Variants in KLRG1 observed in about 807,000 individuals in gnomAD.
KLRG1 encodes the protein killer cell lectin like receptor G1.
Under a neutral mutation model 21.8 loss-of-function variants are expected in KLRG1, and 16 were observed. The observed-to-expected ratio is 0.73, with a 90% confidence interval of 0.50 to 1.11. The LOEUF is 1.11. Among genes scored for constraint, KLRG1 ranks in the 50% most tolerant of loss-of-function variants. The pLI, the probability that KLRG1 is intolerant of heterozygous loss-of-function variation, is 0.00. For missense variants in KLRG1, 173 were observed against 218.3 expected (o/e 0.79, Z 1.31); for synonymous variants, 69 against 75.9 (o/e 0.91, Z 0.47).
the KLRG1 span, among the ~76,000 whole-genome samples, chr12:9,174,468 C>T: frequency 7.9e-5 from 12 of 152,162 alleles, no homozygotes; most frequent in South Asian, 2.1e-3. Flanking sequence ...GAATTTCTGG[C>T]CAGGGCAATC....
the KLRG1 span, chr12:9,196,228 T>G: frequency 1.4e-6 from 1 of 712,802 alleles, no homozygotes; most frequent in Non-Finnish European, 2.3e-6. Context: ...TTGGTCATAT[T>G]AATTAACTGA....
chr12:9,030,966 T>G, the KLRG1 span, among the ~76,000 whole-genome samples: 1 of 152,230 alleles, frequency 6.6e-6, no homozygotes, highest in Non-Finnish European at 1.5e-5. Context: ...GCACACCAGA[T>G]AGCATCTCCC....
chr12:9,184,130 A>C, the KLRG1 span, among the ~76,000 whole-genome samples: 1 of 152,250 alleles, frequency 6.6e-6, no homozygotes, highest in Non-Finnish European at 1.5e-5. Context: ...AAAATTTGCC[A>C]ACACATGTGT....
the KLRG1 span, chr12:9,099,658 C>T: frequency 5.4e-6 from 6 of 1,118,990 alleles, no homozygotes; most frequent in African/African-American, 4.7e-5. Context: ...TAGAAAAAAA[C>T]CCTATCAAAG....
At chr12:9,140,264 A>G in the KLRG1 span, among the ~76,000 whole-genome samples, 45 of 151,742 alleles carry the variant, frequency 3.0e-4, no homozygotes, top group East Asian at 6.8e-3. Flanking sequence ...GCATAGTAGT[A>G]GGGGGGGGCC....
Position 9,010,147 on chromosome 12 carries a change from C to T in KLRG1, c.*610C>T. 1.5e-6 allele frequency: 1 copy of T among 667,124 alleles called. No individual in the cohort carries two copies. Among genetic ancestry groups the T allele is most frequent in the South Asian group, 1.9e-5 (1 of 53,426 alleles). 41.3% of individuals were successfully genotyped at this position (667,124 alleles called of 1,614,324 possible). ...GCTGCAGTGAGCTATGATTGTGCCA[C>T]TGTACTCCAGCCTGGGAGATAGAGC... On this transcript the variant is annotated 3_prime_UTR_variant, in exon 5 of 5. Coordinates refer to ENST00000356986, the MANE Select transcript of KLRG1 (RefSeq NM_005810.4).
the KLRG1 span, chr12:9,194,318 G>T: frequency 4.5e-4 from 612 of 1,359,218 alleles, no homozygotes; most frequent in Non-Finnish European, 6.0e-4. Context: ...TGCTTTTGCT[G>T]CTATAACTAA....
At chr12:9,015,992 T>C in the KLRG1 span, among the ~76,000 whole-genome samples, 1 of 152,090 alleles carries the variant, frequency 6.6e-6, no homozygotes, top group Non-Finnish European at 1.5e-5. Context: ...CCAAAATCTA[T>C]GGGATACAAT....
the KLRG1 span, chr12:9,192,137 G>T: frequency 7.0e-7 from 1 of 1,434,926 alleles, no homozygotes; most frequent in South Asian, 1.2e-5. Flanking sequence ...CTGTCACCGA[G>T]GGAAGGGTAA....
chr12:9,093,683 T>C, the KLRG1 span: 4 of 648,898 alleles, frequency 6.2e-6, no homozygotes, highest in African/African-American at 7.5e-5. Context: ...ACAAATCGTC[T>C]GATGAAATAG....
chr12:9,122,359 T>A, the KLRG1 span, among the ~76,000 whole-genome samples: 1 of 152,238 alleles, frequency 6.6e-6, no homozygotes, highest in Non-Finnish European at 1.5e-5. Context: ...GTGCTCATGT[T>A]CGCTGTGGAA....
the KLRG1 span, among the ~76,000 whole-genome samples, chr12:9,199,186 C>T: frequency 3.9e-5 from 6 of 152,102 alleles, no homozygotes; most frequent in Non-Finnish European, 8.8e-5. Context: ...AGTCTAGTAC[C>T]CTTCATAATC....
the KLRG1 span, among the ~76,000 whole-genome samples, chr12:9,201,776 T>C: frequency 1.2e-4 from 19 of 152,246 alleles, no homozygotes; most frequent in Middle Eastern, 3.4e-3. Context: ...CAAGAATATT[T>C]CTTCTAATTT....
chr12:9,027,151 G>A, the KLRG1 span, among the ~76,000 whole-genome samples: 2 of 151,842 alleles, frequency 1.3e-5, no homozygotes, highest in Non-Finnish European at 2.9e-5. Flanking sequence ...ATATTTGTGT[G>A]TGTGAGGTGA....
chr12:9,093,688 A>T, the KLRG1 span: 1 of 624,704 alleles, frequency 1.6e-6, no homozygotes, highest in Non-Finnish European at 2.5e-6. Flanking sequence ...TCGTCTGATG[A>T]AATAGAGAGG....
Position 8,960,824 on chromosome 12 carries a change from T to G in KLRG1, c.-156+10588T>G, listed in dbSNP as rs112693111. Among the ~76,000 whole-genome samples the G allele has an allele frequency of 4.9e-3, 752 of 152,310 alleles. 11 individuals are homozygous for G. The highest frequency in any genetic ancestry group is 0.017 in the African/African-American group (689 of 41,584). On this transcript the variant is annotated intron_variant, in intron 1 of 4. Coordinates refer to the KLRG1 transcript ENST00000539240. The stretch of plus-strand genomic sequence containing the variant: ...TACTGCTTGTAGCACATTATAAAAA[T>G]TCAGATTCCTTAAGCTCAAGGGAGA...
chr12:9,076,049 G>A, the KLRG1 span, among the ~76,000 whole-genome samples: 1 of 152,064 alleles, frequency 6.6e-6, no homozygotes, highest in Non-Finnish European at 1.5e-5. Context: ...TATAGACCAT[G>A]GTATATGTAG....
chr12:8,991,372 A>G (rs1354063918), intron 1 of KLRG1, among the ~76,000 whole-genome samples: 1 of 152,202 alleles, frequency 6.6e-6, no homozygotes, highest in African/African-American at 2.4e-5. Context: ...TTTAATAACG[A>G]CAGTTTACAA....
the KLRG1 span, among the ~76,000 whole-genome samples, chr12:9,063,823 G>A: frequency 6.6e-6 from 1 of 152,184 alleles, no homozygotes; most frequent in Non-Finnish European, 1.5e-5. Flanking sequence ...TATAGCATGG[G>A]ATATTGTGCC....
Sources: gnomAD v4.1 joint callset for allele counts (sites outside exome capture counted in the v4.1 genomes callset) on GRCh38, gnomAD v4.1.1 for gene constraint, MANE v1.5 for transcripts, NCBI Gene and HGNC (gene_info 2026-07-23, HGNC 2026-07-21) for gene names.